KLF8: variants seen among roughly 807,000 people sequenced by gnomAD.
The protein encoded by KLF8 is Krueppel-like factor 8.
A neutral mutation model predicts 18.2 loss-of-function variants in KLF8; 10 were observed. The ratio of observed to expected loss-of-function variants is 0.55; its 90% CI spans 0.34 to 0.93. The LOEUF is 0.93. KLF8 is among the 40% of genes least tolerant of loss of function. KLF8 has a pLI of 0.02. For missense variants in KLF8, 264 were observed against 277.9 expected (o/e 0.95, Z 0.36); for synonymous variants, 109 against 97.3 (o/e 1.12, Z -0.71).
intron 2 of KLF8, among the ~76,000 whole-genome samples, chrX:56,257,062 A>ACATT (rs2066807179): frequency 8.9e-6 from 1 of 111,951 alleles, no homozygotes; most frequent in African/African-American, 3.2e-5. Flanking sequence ...TTAAACATTA[A>ACATT]TAAATTAATG....
chrX:56,227,986 C>A (rs1488904347), upstream of KLF8, among the ~76,000 whole-genome samples: 1 of 110,711 alleles, frequency 9.0e-6, no homozygotes, highest in African/African-American at 3.3e-5. Context: ...ACTCAGCAGG[C>A]CTGCTAGAGC....
At chrX:56,049,976 T>G in the KLF8 span, among the ~76,000 whole-genome samples, 13 of 111,272 alleles carry the variant, frequency 1.2e-4, no homozygotes, top group African/African-American at 4.2e-4. Context: ...AGATTCAACT[T>G]CTTCCTGGTT....
chrX:56,202,177 C>T, the KLF8 span, among the ~76,000 whole-genome samples: 1 of 110,702 alleles, frequency 9.0e-6, no homozygotes, highest in African/African-American at 3.3e-5. Flanking sequence ...GAGAGAAGAG[C>T]TACAAACTGA....
At chrX:56,186,665 T>A in the KLF8 span, among the ~76,000 whole-genome samples, 1 of 111,776 alleles carries the variant, frequency 8.9e-6, no homozygotes, top group South Asian at 3.8e-4. Flanking sequence ...TCAGAAATTA[T>A]AACAAACTGT....
At chrX:55,931,374 G>T in the KLF8 span, among the ~76,000 whole-genome samples, 8 of 111,058 alleles carry the variant, frequency 7.2e-5, no homozygotes, top group Non-Finnish European at 1.5e-4. Context: ...ATCTCTTTCA[G>T]TTCTGCTCTG....
chrX:56,000,154 C>T, the KLF8 span, among the ~76,000 whole-genome samples: 8 of 110,664 alleles, frequency 7.2e-5, no homozygotes, highest in South Asian at 3.9e-4. Context: ...TTATTGACTT[C>T]GATGTGTGGA....
chrX:56,201,651 T>G, the KLF8 span, among the ~76,000 whole-genome samples: 1 of 111,618 alleles, frequency 9.0e-6, no homozygotes, highest in South Asian at 3.8e-4. Context: ...AGAAGGAAAC[T>G]TTGGGAGGTG....
chrX:56,170,110 G>A, the KLF8 span, among the ~76,000 whole-genome samples: 3 of 111,051 alleles, frequency 2.7e-5, no homozygotes, highest in Non-Finnish European at 5.7e-5. Context: ...TATTAGTCTA[G>A]AAAAACCACA....
the KLF8 span, among the ~76,000 whole-genome samples, chrX:56,076,187 T>C: frequency 9.1e-6 from 1 of 109,625 alleles, no homozygotes; most frequent in Non-Finnish European, 1.9e-5. Context: ...ATGTGTACAA[T>C]GTGCAGGTTA....
At chrX:55,982,114 G>C in the KLF8 span, among the ~76,000 whole-genome samples, 1 of 111,153 alleles carries the variant, frequency 9.0e-6, no homozygotes, top group African/African-American at 3.3e-5. Flanking sequence ...AGGAAGGAAA[G>C]CAAGCAGGGA....
At chrX:56,066,762 A>T in the KLF8 span, among the ~76,000 whole-genome samples, 1 of 111,012 alleles carries the variant, frequency 9.0e-6, no homozygotes, top group Admixed American at 9.5e-5. Flanking sequence ...ATGCAGTCTG[A>T]TGGGGACTAG....
the KLF8 span, among the ~76,000 whole-genome samples, chrX:56,153,319 C>T: frequency 2.8e-5 from 3 of 108,810 alleles, no homozygotes; most frequent in East Asian, 2.9e-4. Flanking sequence ...TGCACCACTG[C>T]GCTCTTGCAT....
the KLF8 span, among the ~76,000 whole-genome samples, chrX:56,058,295 T>TATAC: frequency 1.8e-4 from 12 of 67,491 alleles, no homozygotes; most frequent in African/African-American, 6.8e-4. Context: ...TATATATATA[T>TATAC]ATATATATAT....
At chrX:56,060,425 T>A in the KLF8 span, among the ~76,000 whole-genome samples, 2 of 112,161 alleles carry the variant, frequency 1.8e-5, no homozygotes, top group Non-Finnish European at 1.9e-5. Context: ...AGGCCTTTTC[T>A]GCATCTATTG....
chrX:56,063,243 G>A, the KLF8 span, among the ~76,000 whole-genome samples: 2 of 110,986 alleles, frequency 1.8e-5, no homozygotes, highest in African/African-American at 6.6e-5. Flanking sequence ...AGGAGAAGAG[G>A]CCTTTTGGTT....
the KLF8 span, among the ~76,000 whole-genome samples, chrX:56,129,286 G>A: frequency 3.6e-5 from 4 of 111,882 alleles, no homozygotes. Flanking sequence ...AGAATCTACA[G>A]ACCCTTTGAA....
At chrX:56,045,081 A>G in the KLF8 span, among the ~76,000 whole-genome samples, 773 of 111,804 alleles carry the variant, frequency 6.9e-3, 7 homozygotes, top group African/African-American at 0.024. Flanking sequence ...GTATAAGGTG[A>G]GAGATGAGGA....
At chrX:56,238,986 C>G (rs183843488) in intron 1 of KLF8, among the ~76,000 whole-genome samples, 126 of 111,194 alleles carry the variant, frequency 1.1e-3, no homozygotes, top group African/African-American at 4.1e-3. Context: ...CTTTTCCTCT[C>G]GTCTGGATTT....
chrX:56,291,316 A>G lies in KLF8; in HGVS notation c.*6822A>G, dbSNP rs1459962299. ...GCTCCAGAGGCATGGCTTTGAGGCT[A>G]GAATCATGAGCAATCTCTCATAAAC... On this transcript the variant is annotated 3_prime_UTR_variant, in exon 6 of 6. Coordinates refer to ENST00000468660, the MANE Select transcript of KLF8 (RefSeq NM_007250.5). 3.6e-5 allele frequency among the ~76,000 whole-genome samples: 4 copies of G among 111,500 alleles called. No homozygotes were observed. Among genetic ancestry groups the G allele is most frequent in the African/African-American group, 6.5e-5 (2 of 30,685 alleles).
Sources: allele counts gnomAD v4.1 joint callset (sites outside exome capture counted in the v4.1 genomes callset), GRCh38; gene constraint gnomAD v4.1.1; transcripts MANE v1.5; gene names NCBI Gene and HGNC (gene_info 2026-07-23, HGNC 2026-07-21).